Variants in ZNF282 observed in about 807,000 individuals in gnomAD.
ZNF282 encodes the protein zinc finger protein 282, also known as HTLV-I U5 repressive element-binding protein 1.
Under a neutral mutation model 61.9 loss-of-function variants are expected in ZNF282, and 30 were observed. The ratio of observed to expected loss-of-function variants is 0.48; its 90% CI spans 0.36 to 0.66. The LOEUF is 0.66. Ranked by LOEUF, ZNF282 falls within the 30% of genes least tolerant of loss-of-function variation. The pLI, the probability that ZNF282 is intolerant of heterozygous loss-of-function variation, is 0.00. For missense variants in ZNF282, 788 were observed against 941.4 expected (o/e 0.84, Z 2.13); for synonymous variants, 396 against 405.0 (o/e 0.98, Z 0.27).
Position 149,225,874 on chromosome 7 carries a change from C to T in ZNF282, c.*1227C>T, listed in dbSNP as rs1320313697. On this transcript the variant is annotated 3_prime_UTR_variant, in exon 8 of 8. Coordinates refer to ENST00000610704, the MANE Select transcript of ZNF282 (RefSeq NM_003575.4). ...TCACGTTGGTGCACCTGCTCCATAG[C>T]TCCGGGCGCTGCGTCCCGAGGGGCC... is the stretch of plus-strand genomic sequence containing the variant. 1 of 152,794 alleles carries T rather than the reference C, an allele frequency of 6.5e-6. No individual in the cohort carries two copies. Among genetic ancestry groups the T allele is most frequent in the East Asian group, 1.9e-4 (1 of 5,194 alleles). The allele number at this position is 152,794 out of a possible 1,614,324, so 9.5% of individuals were successfully genotyped here.
intron 2 of ZNF282, among the ~76,000 whole-genome samples, chr7:149,201,306 C>T (rs1795905889): frequency 6.6e-6 from 1 of 152,204 alleles, no homozygotes. Context: ...CGTCTGGTCC[C>T]AGGCACCATG....
intron 7 of ZNF282, among the ~76,000 whole-genome samples, chr7:149,222,757 C>T (rs1165472723): frequency 6.6e-6 from 1 of 152,092 alleles, no homozygotes; most frequent in African/African-American, 2.4e-5. Context: ...AAGTGATTCT[C>T]CTGCCTCAGC....
intron 1 of ZNF282, 72 bp downstream of exon 1, chr7:149,195,826 G>C (rs1795806703): frequency 4.8e-6 from 6 of 1,237,176 alleles, no homozygotes; most frequent in South Asian, 3.3e-5. Context: ...GCGGGACCGG[G>C]CCGCGCCGTC....
intron 2 of ZNF282, among the ~76,000 whole-genome samples, chr7:149,205,622 C>T (rs1240921847): frequency 1.3e-5 from 2 of 151,980 alleles, no homozygotes; most frequent in Admixed American, 6.6e-5. Context: ...GTAGACATCG[C>T]ACCTGCGCAT....
intron 4 of ZNF282, among the ~76,000 whole-genome samples, chr7:149,208,407 T>G (rs1796031141): frequency 6.6e-6 from 1 of 152,042 alleles, no homozygotes; most frequent in Non-Finnish European, 1.5e-5. Flanking sequence ...TTCACCATGT[T>G]GGCCAGGCTG....
chr7:149,224,686 C>A lies in ZNF282; in HGVS notation c.*39C>A. On this transcript the variant is annotated 3_prime_UTR_variant, in exon 8 of 8. Transcript: ENST00000610704. ...GAGGGCAGGGCCGGACGGAGTGGATCGGGGGCGGCCTGAGCACCAACCACC... is the reference window on the plus strand; with the variant it reads ...GAGGGCAGGGCCGGACGGAGTGGATAGGGGGCGGCCTGAGCACCAACCACC... 1 of 1,452,892 alleles carries A rather than the reference C, an allele frequency of 6.9e-7. No individual in the cohort carries two copies. The highest frequency in any genetic ancestry group is 9.0e-7 in the Non-Finnish European group (1 of 1,106,924). 90.0% of individuals were successfully genotyped at this position (1,452,892 alleles called of 1,614,324 possible).
intron 7 of ZNF282, among the ~76,000 whole-genome samples, chr7:149,220,575 G>A (rs1197689357): frequency 2.0e-5 from 3 of 152,142 alleles, no homozygotes; most frequent in African/African-American, 7.2e-5. Flanking sequence ...TTCATCCCCA[G>A]GCTGGTAGCA....
At chr7:149,208,461 C>T (rs1420891654) in intron 4 of ZNF282, among the ~76,000 whole-genome samples, 1 of 151,956 alleles carries the variant, frequency 6.6e-6, no homozygotes, top group East Asian at 2.0e-4. Context: ...CCTCGGCCTC[C>T]CAAAGTGCTA....
intron 4 of ZNF282, 81 bp downstream of exon 4, chr7:149,207,551 G>T (rs976827787): frequency 6.5e-7 from 1 of 1,527,136 alleles, no homozygotes; most frequent in Non-Finnish European, 8.8e-7. Context: ...CTGCCGCGAG[G>T]CGCCACTGTG....
At chr7:149,206,327 G>A (rs1023734455) in intron 2 of ZNF282, among the ~76,000 whole-genome samples, 3 of 152,160 alleles carry the variant, frequency 2.0e-5, no homozygotes, top group African/African-American at 7.2e-5. Flanking sequence ...TGGTAACCAG[G>A]TTTTACTCTA....
In ZNF282 at chr7:149,224,389, G is replaced by A. The variant is rs901655717; in HGVS notation, c.1758G>A (p.Lys586=). 2.5e-6 allele frequency: 4 copies of A among 1,613,996 alleles called. No homozygotes were observed. The Admixed American group carries it at 6.7e-5, about 27-fold the overall frequency. Reference sequence around the variant, plus strand: ...AGTGCGAGAAGACCTACAGCCGTAAGGAGCACCTGCAGAACCACCAGCGGC... The same window carrying A: ...AGTGCGAGAAGACCTACAGCCGTAAAGAGCACCTGCAGAACCACCAGCGGC... ...CSECEKTYSR[K]EHLQNHQRLH... The change falls in exon 8 of 8, where the codon AAG becomes AAA. Residue 586 remains lysine, a synonymous_variant. Transcript: ENST00000610704.
intron 4 of ZNF282, among the ~76,000 whole-genome samples, chr7:149,208,503 G>A (rs549318130): frequency 2.0e-5 from 3 of 151,868 alleles, no homozygotes; most frequent in East Asian, 2.0e-4. Context: ...ATGCCCGGCC[G>A]TGTCCTCCGT....
intron 4 of ZNF282, among the ~76,000 whole-genome samples, chr7:149,209,072 A>G (rs1247150282): frequency 2.0e-5 from 3 of 150,240 alleles, no homozygotes; most frequent in African/African-American, 4.9e-5. Context: ...TAATCCCAGC[A>G]CTTTGAAAGG....
intron 1 of ZNF282, 140 bp downstream of exon 1, chr7:149,195,894 G>A (rs1795808314): frequency 1.4e-6 from 1 of 738,798 alleles, no homozygotes; most frequent in African/African-American, 1.9e-5. Context: ...CCCGAGGCGG[G>A]CGGGGCACGG....
intron 7 of ZNF282, among the ~76,000 whole-genome samples, chr7:149,222,937 C>T (rs1054671540): frequency 3.9e-5 from 6 of 151,958 alleles, no homozygotes; most frequent in East Asian, 1.9e-4. Context: ...TGAGCCACTG[C>T]GCCTGGCCTT....
intron 2 of ZNF282, among the ~76,000 whole-genome samples, chr7:149,199,070 C>G (rs967945401): frequency 6.6e-6 from 1 of 152,210 alleles, no homozygotes; most frequent in African/African-American, 2.4e-5. Context: ...CCACTTGACA[C>G]CTACCAGCGA....
Position 149,223,881 on chromosome 7 carries a change from C to G in ZNF282, c.1250C>G (p.Pro417Arg). ...CAGCCCCAGCCCCAGCCCCAGCCAC[C>G]GCAGCCGCAGCTGCAGTCGCAGCCC... ...PPQPQPQPQP[P>R]QPQLQSQPQP... The change falls in exon 8 of 8, where the codon CCG becomes CGG. Residue 417 changes from proline (P) to arginine (R), a missense_variant. By Grantham distance (103) the Pro-to-Arg change is moderately radical. This residue lies in a region of ZNF282 where 559 missense variants were observed against 642.0 expected (regional missense o/e 0.87). Transcript: ENST00000610704. 1 of 1,434,526 alleles carries G rather than the reference C, an allele frequency of 7.0e-7. No homozygotes were observed. The highest frequency in any genetic ancestry group is 9.1e-7 in the Non-Finnish European group (1 of 1,099,328). The allele number at this position is 1,434,526 out of a possible 1,614,324, so 88.9% of individuals were successfully genotyped here.
Position 149,210,724 on chromosome 7 carries a change from G to A in ZNF282, c.952+20G>A, listed in dbSNP as rs371065233. ...TTACCGGTGAGTGAGCCAAGCAGCC[G>A]TCCACACCAGGGAGGGGAGGGGAGG... is the stretch of plus-strand genomic sequence containing the variant. On this transcript the variant is annotated intron_variant, in intron 5 of 7. Coordinates refer to ENST00000610704, the MANE Select transcript of ZNF282 (RefSeq NM_003575.4). 48 of 1,557,526 alleles carry A rather than the reference G, an allele frequency of 3.1e-5. No homozygotes were observed. The highest frequency in any genetic ancestry group is 1.6e-4 in the East Asian group (7 of 43,816).
In ZNF282 at chr7:149,212,470, A is replaced by G; in HGVS notation, c.1065A>G (p.Ser355=). Residue 355 remains serine, a splice_region_variant and synonymous_variant, in exon 6 of 8, where the codon TCA becomes TCG. Transcript: ENST00000610704. ...ADRDIPTDPN[S]ESLISAHDIL... ...GAGATATTCCCACGGATCCCAATTC[A>G]GGTGAGAACAAGGTCAGAATGAATC... The G allele has an allele frequency of 6.2e-7, 1 of 1,607,542 alleles. No homozygotes were observed. Among genetic ancestry groups the G allele is most frequent in the Non-Finnish European group, 8.5e-7 (1 of 1,175,878 alleles).
Sources: gnomAD v4.1 joint callset for allele counts (sites outside exome capture counted in the v4.1 genomes callset) on GRCh38, gnomAD v4.1.1 for gene constraint, gnomAD v4.1.1 regional missense constraint, MANE v1.5 for transcripts, NCBI Gene and HGNC (gene_info 2026-07-23, HGNC 2026-07-21) for gene names.